PCDH7: variants seen among roughly 807,000 people sequenced by gnomAD.
The protein encoded by PCDH7 is protocadherin-7.
In PCDH7, 17 loss-of-function variants were observed where a neutral mutation model predicts 58.9. The observed-to-expected ratio is 0.29, with a 90% CI of 0.20 to 0.43. The LOEUF is 0.43. PCDH7 is among the 20% of genes least tolerant of loss of function. The pLI, the probability that PCDH7 is intolerant of heterozygous loss-of-function variation, is 1.00. For synonymous variants in PCDH7, 664 were observed against 616.4 expected (o/e 1.08, Z -1.14); for missense variants, 1,274 against 1,441.0 (o/e 0.88, Z 1.88).
chr4:31,099,591 G>A (rs1714630390), intron 3 of PCDH7, among the ~76,000 whole-genome samples: 1 of 152,164 alleles, frequency 6.6e-6, no homozygotes, highest in Non-Finnish European at 1.5e-5. Flanking sequence ...TGCTAACTGT[G>A]TCAGGCACTG....
At chr4:30,811,692 A>G (rs1185424141) in intron 1 of PCDH7, among the ~76,000 whole-genome samples, 1 of 152,188 alleles carries the variant, frequency 6.6e-6, no homozygotes, top group Non-Finnish European at 1.5e-5. Context: ...ATGTTTTAGT[A>G]TGTAATATCT....
intron 1 of PCDH7, among the ~76,000 whole-genome samples, chr4:30,867,233 A>G (rs1734992304): frequency 6.6e-6 from 1 of 152,004 alleles, no homozygotes; most frequent in Non-Finnish European, 1.5e-5. Flanking sequence ...TGATTTGTTT[A>G]TCCTGTGTAG....
At chr4:31,069,304 A>G (rs1758347081) in intron 3 of PCDH7, among the ~76,000 whole-genome samples, 1 of 152,046 alleles carries the variant, frequency 6.6e-6, no homozygotes, top group Admixed American at 6.6e-5. Flanking sequence ...TGGTGAAAGC[A>G]GGGTTCAAAA....
At chr4:30,952,502 A>G (rs1747459697) in intron 3 of PCDH7, among the ~76,000 whole-genome samples, 1 of 152,094 alleles carries the variant, frequency 6.6e-6, no homozygotes, top group Non-Finnish European at 1.5e-5. Context: ...AAAAGAAGCA[A>G]AATAATTTTG....
chr4:31,050,444 G>A (rs986905359), intron 3 of PCDH7, among the ~76,000 whole-genome samples: 8 of 152,026 alleles, frequency 5.3e-5, no homozygotes, highest in African/African-American at 1.7e-4. Flanking sequence ...ATAGAATAAT[G>A]AGGAAAAATA....
intron 1 of PCDH7, among the ~76,000 whole-genome samples, chr4:30,739,045 T>C (rs1029056040): frequency 2.0e-5 from 3 of 148,690 alleles, no homozygotes; most frequent in Admixed American, 2.0e-4. Flanking sequence ...GTTCCCTTTG[T>C]GCTTTTCAAT....
rs933613479 is a variant in PCDH7 at position 30,721,867 on chromosome 4, A to T, written c.445A>T (p.Thr149Ser). 6.2e-7 allele frequency: 1 copy of T among 1,603,618 alleles called. No individual in the cohort carries two copies. Among genetic ancestry groups the T allele is most frequent in the Non-Finnish European group, 8.5e-7 (1 of 1,175,806 alleles). ...GCCCACCTTCCCGTCGCCCGTGCTC[A>T]CGCTCACGGTGGAGGAGAATCGGCC... Residue 149 changes from threonine to serine, a missense_variant, in exon 1 of 2, where the codon ACG becomes TCG. By Grantham distance (58) the Thr-to-Ser change is moderately conservative. This residue lies in a region of PCDH7 where 212 missense variants were observed against 255.8 expected (regional missense o/e 0.83). Transcript: ENST00000361762. The surrounding 1 kb of genome is among the most constrained non-coding windows in gnomAD (Gnocchi z 6.7).
intron 1 of PCDH7, among the ~76,000 whole-genome samples, chr4:30,779,283 C>CT (rs1722486967): frequency 6.6e-6 from 1 of 152,054 alleles, no homozygotes; most frequent in African/African-American, 2.4e-5. Flanking sequence ...CCTCCGCCTC[C>CT]TAAAGTGCTG....
intron 1 of PCDH7, among the ~76,000 whole-genome samples, chr4:30,792,082 A>C (rs1033968465): frequency 6.6e-6 from 1 of 152,212 alleles, no homozygotes; most frequent in Non-Finnish European, 1.5e-5. Flanking sequence ...ATAAGATTTC[A>C]GTGTATGAAC....
intron 1 of PCDH7, among the ~76,000 whole-genome samples, chr4:30,864,127 T>A (rs1040537422): frequency 6.6e-6 from 1 of 151,678 alleles, no homozygotes; most frequent in Non-Finnish European, 1.5e-5. Context: ...TTTTTTTTTG[T>A]ATTGATTTTT....
chr4:30,749,176 G>T (rs887038900), intron 1 of PCDH7, among the ~76,000 whole-genome samples: 3 of 152,158 alleles, frequency 2.0e-5, no homozygotes, highest in Admixed American at 2.0e-4. Flanking sequence ...GAAAGAAAAA[G>T]TAAAAGAGAA....
At chr4:30,930,776 A>AG (rs1744476384) in intron 2 of PCDH7, among the ~76,000 whole-genome samples, 1 of 152,026 alleles carries the variant, frequency 6.6e-6, no homozygotes, top group Admixed American at 6.6e-5. Context: ...TGCAAAAAAA[A>AG]AAAAGTTTAA....
intron 1 of PCDH7, among the ~76,000 whole-genome samples, chr4:30,886,544 C>G (rs1737803424): frequency 6.8e-6 from 1 of 147,484 alleles, no homozygotes; most frequent in Admixed American, 6.7e-5. Context: ...ACTAGTTCAA[C>G]CATTGTGGAA....
intron 1 of PCDH7, among the ~76,000 whole-genome samples, chr4:30,758,922 G>A (rs1038886590): frequency 8.0e-5 from 11 of 137,628 alleles, no homozygotes; most frequent in African/African-American, 2.5e-4. Flanking sequence ...TTAATTTTTT[G>A]TATTTATTTG....
chr4:31,136,274 TTA>T (rs1719591204), intron 3 of PCDH7, among the ~76,000 whole-genome samples: 2 of 152,210 alleles, frequency 1.3e-5, no homozygotes, highest in Admixed American at 1.3e-4. Flanking sequence ...TGTATAGACA[TTA>T]ACTCTTTTAT....
intron 1 of PCDH7, among the ~76,000 whole-genome samples, chr4:30,791,577 T>C (rs1187794033): frequency 1.3e-5 from 2 of 152,160 alleles, no homozygotes; most frequent in African/African-American, 2.4e-5. Context: ...AAAGGTGAAA[T>C]GCCTTTGGAA....
At chr4:31,135,352 C>T (rs915550814) in intron 3 of PCDH7, among the ~76,000 whole-genome samples, 1 of 152,056 alleles carries the variant, frequency 6.6e-6, no homozygotes, top group Non-Finnish European at 1.5e-5. Flanking sequence ...ACATCATTTG[C>T]CCTTGAATTT....
intron 3 of PCDH7, among the ~76,000 whole-genome samples, 200 bp from the exon 3 acceptor site, chr4:31,142,273 A>G (rs1244470625): frequency 6.6e-6 from 1 of 152,208 alleles, no homozygotes; most frequent in African/African-American, 2.4e-5. Context: ...GTTCTATAAT[A>G]TTGGATGTCC....
At chr4:30,883,712 T>C (rs1387637339) in intron 1 of PCDH7, among the ~76,000 whole-genome samples, 2 of 152,330 alleles carry the variant, frequency 1.3e-5, no homozygotes, top group East Asian at 3.9e-4. Flanking sequence ...AATGATTTCA[T>C]GACTTGCTAA....
Sources: gnomAD v4.1 joint callset for allele counts (sites outside exome capture counted in the v4.1 genomes callset) on GRCh38, gnomAD v4.1.1 for gene constraint, gnomAD v4.1.1 regional missense constraint, Gnocchi (gnomAD v3.1) non-coding constraint, MANE v1.5 for transcripts, NCBI Gene and HGNC (gene_info 2026-07-23, HGNC 2026-07-21) for gene names.